GSE1: variants seen among roughly 807,000 people sequenced by gnomAD.
GSE1 encodes genetic suppressor element 1.
Under a neutral mutation model 112.6 loss-of-function variants are expected in GSE1, and 32 were observed. The ratio of observed to expected loss-of-function variants is 0.28; its 90% CI spans 0.21 to 0.38. The LOEUF (loss-of-function observed/expected upper bound fraction) is 0.38. Among genes scored for constraint, GSE1 ranks in the 10% least tolerant of loss-of-function variants. The pLI is 1.00. For synonymous variants in GSE1, 1,115 were observed against 735.6 expected, an observed-to-expected ratio of 1.52 and a Z score of -8.35; for missense variants, 2,348 against 1,699.2, an observed-to-expected ratio of 1.38 and a Z score of -6.71.
intron 2 of GSE1, among the ~76,000 whole-genome samples, chr16:85,452,380 C>T (rs556493746): frequency 6.6e-6 from 1 of 152,360 alleles, no homozygotes; most frequent in African/African-American, 2.4e-5. Flanking sequence ...GCCCCCACCT[C>T]TCCCTCTGTC....
intron 2 of GSE1, among the ~76,000 whole-genome samples, chr16:85,368,619 C>T (rs541732693): frequency 2.9e-3 from 440 of 152,254 alleles, no homozygotes; most frequent in African/African-American, 0.01. Flanking sequence ...GCTGGAGGAT[C>T]GCTTGAGCCC....
At chr16:85,207,618 C>T (rs985480082) in intron 1 of GSE1, among the ~76,000 whole-genome samples, 7 of 152,188 alleles carry the variant, frequency 4.6e-5, no homozygotes, top group African/African-American at 1.2e-4. Context: ...GTGAGGAGCC[C>T]GGGCTGCAGA....
intron 2 of GSE1, among the ~76,000 whole-genome samples, chr16:85,638,569 CGTG>C (rs2050191712): frequency 6.6e-6 from 1 of 152,270 alleles, no homozygotes; most frequent in Admixed American, 6.5e-5. Flanking sequence ...CCTCATGAAT[CGTG>C]GGGACTGGGT....
At chr16:85,669,715 G>C (rs1002662301) in intron 14 of GSE1, among the ~76,000 whole-genome samples, 5 of 152,158 alleles carry the variant, frequency 3.3e-5, no homozygotes, top group Non-Finnish European at 7.4e-5. Flanking sequence ...CTATTCTTCT[G>C]TATTTTCTTC....
intron 1 of GSE1, among the ~76,000 whole-genome samples, chr16:85,217,796 C>T (rs2075328696): frequency 1.3e-5 from 2 of 152,192 alleles, no homozygotes; most frequent in Admixed American, 6.5e-5. Context: ...GAATCCTCTT[C>T]CTCCTGCCTC....
intron 2 of GSE1, among the ~76,000 whole-genome samples, chr16:85,502,662 C>G (rs1158291111): frequency 6.6e-6 from 1 of 152,202 alleles, no homozygotes; most frequent in East Asian, 1.9e-4. Context: ...GAGAAGGAAC[C>G]CTACAGGGTC....
intron 2 of GSE1, among the ~76,000 whole-genome samples, chr16:85,636,613 C>T (rs973751844): frequency 6.6e-5 from 10 of 152,204 alleles, no homozygotes; most frequent in Non-Finnish European, 1.5e-4. Context: ...GGCCAAAGTT[C>T]AGAGAGGACA....
At chr16:85,200,900 C>A (rs1015849895) in intron 1 of GSE1, among the ~76,000 whole-genome samples, 1 of 152,328 alleles carries the variant, frequency 6.6e-6, no homozygotes, top group South Asian at 2.1e-4. Context: ...TTCCTGCAGC[C>A]CTGGCTGCTC....
rs189991114 is a variant in GSE1 at position 85,649,220 on chromosome 16, G to T, written c.426+469G>T. On this transcript the variant is annotated intron_variant, in intron 3 of 15. Transcript: ENST00000253458. ...ATTCTCATTCGGTCACCTCTTTAAA[G>T]ACCGTGTCTCCAAATGCAGTTCCGT... Among the ~76,000 whole-genome samples, 11 of 152,262 alleles carry T rather than the reference G, an allele frequency of 7.2e-5. No individual in the cohort carries two copies. The East Asian group carries it at 1.9e-3, about 27-fold the overall frequency.
At chr16:85,479,963 A>G (rs938066428) in intron 2 of GSE1, among the ~76,000 whole-genome samples, 3 of 152,192 alleles carry the variant, frequency 2.0e-5, no homozygotes, top group Non-Finnish European at 2.9e-5. Flanking sequence ...CTGAGGACCC[A>G]AAGCTCAGAA....
chr16:85,523,026 T>C (rs1412587745), intron 2 of GSE1, among the ~76,000 whole-genome samples: 3 of 152,072 alleles, frequency 2.0e-5, no homozygotes, highest in Admixed American at 2.0e-4. Context: ...GTTGTGTGTA[T>C]GCGTGTGTGT....
chr16:85,194,526 A>G (rs951303202), intron 1 of GSE1, among the ~76,000 whole-genome samples: 3 of 152,192 alleles, frequency 2.0e-5, no homozygotes, highest in Admixed American at 6.5e-5. Context: ...TGAGCAGGAG[A>G]TGACTCTGGA....
intron 1 of GSE1, among the ~76,000 whole-genome samples, chr16:85,596,815 C>T (rs1158863234): frequency 6.6e-6 from 1 of 152,026 alleles, no homozygotes; most frequent in Non-Finnish European, 1.5e-5. Context: ...GCGGGCAGAT[C>T]GCTTGAAGCC....
At chr16:85,612,589 T>C (rs1003220058), upstream of GSE1, among the ~76,000 whole-genome samples, 1 of 148,638 alleles carries the variant, frequency 6.7e-6, no homozygotes, top group African/African-American at 2.5e-5. Context: ...GGCCCGCAAT[T>C]GTGGCCTTCC....
intron 1 of GSE1, among the ~76,000 whole-genome samples, chr16:85,331,930 C>T (rs565424660): frequency 6.6e-6 from 1 of 151,988 alleles, no homozygotes; most frequent in Admixed American, 6.6e-5. Context: ...CTTTAATGAG[C>T]GCATGCAGCC....
At chr16:85,397,526 C>A (rs2047995713) in intron 2 of GSE1, among the ~76,000 whole-genome samples, 2 of 152,360 alleles carry the variant, frequency 1.3e-5, no homozygotes, top group Non-Finnish European at 2.9e-5. Context: ...CTGCCTCTGT[C>A]TGCCCCCCGC....
chr16:85,297,666 G>T (rs1334313050), intron 1 of GSE1, among the ~76,000 whole-genome samples: 4 of 152,032 alleles, frequency 2.6e-5, no homozygotes. Flanking sequence ...AAAGTGCCTG[G>T]CTAATTTTCC....
chr16:85,372,638 C>T (rs559152257), intron 2 of GSE1, among the ~76,000 whole-genome samples: 19 of 152,324 alleles, frequency 1.2e-4, no homozygotes, highest in African/African-American at 3.6e-4. Context: ...TCGTGCAACC[C>T]GTCAAGGAGT....
chr16:85,661,748 G>C lies in GSE1; in HGVS notation c.2243G>C (p.Arg748Pro), dbSNP rs372510271. ...CTGGACCTGGAGGAGCGCAGGCGGC[G>C]GGAGGCCCAGGAGAAAGGTCTGCCT... is the stretch of plus-strand genomic sequence containing the variant. The part of the protein sequence containing the change: ...SKLDLEERRR[R>P]EAQEKGYYYD... The change falls in exon 9 of 16, where the codon CGG (arginine) becomes CCG (proline). Residue 748 changes from arginine to proline, a missense_variant. Physicochemically the swap from Arg to Pro is moderately radical, Grantham distance 103. Coordinates refer to ENST00000253458, the MANE Select transcript of GSE1 (RefSeq NM_014615.5). 1 of 1,536,704 alleles carries C rather than the reference G, an allele frequency of 6.5e-7. No homozygotes were observed.
Sources: gnomAD v4.1 joint callset for allele counts (sites outside exome capture counted in the v4.1 genomes callset) on GRCh38, gnomAD v4.1.1 for gene constraint, MANE v1.5 for transcripts, NCBI Gene and HGNC (gene_info 2026-07-23, HGNC 2026-07-21) for gene names.